The following GSAP variants were observed in gnomAD, a reference collection of about 807,000 sequenced individuals.
GSAP encodes gamma-secretase-activating protein.
A neutral mutation model predicts 131.7 loss-of-function variants in GSAP; 118 were observed. That is an observed-to-expected ratio of 0.90 (90% CI 0.77 to 1.04). GSAP has a LOEUF of 1.04. Among genes scored for constraint, GSAP ranks in the 50% least tolerant of loss-of-function variants. The pLI is 0.00. For synonymous variants in GSAP, 381 were observed against 363.4 expected (o/e 1.05, Z -0.55); for missense variants, 1,019 against 1,013.2 (o/e 1.01, Z -0.08).
intron 18 of GSAP, among the ~76,000 whole-genome samples, chr7:77,350,106 A>T (rs1469638540): frequency 6.6e-6 from 1 of 151,932 alleles, no homozygotes; most frequent in Non-Finnish European, 1.5e-5. Context: ...AAAAATGATG[A>T]GTTCATGTCC....
chr7:77,360,505 C>T (rs1794367865), intron 14 of GSAP, among the ~76,000 whole-genome samples: 2 of 152,182 alleles, frequency 1.3e-5, no homozygotes, highest in Admixed American at 1.3e-4. Flanking sequence ...TTGGGAACAT[C>T]TCATACAAGT....
At chr7:77,344,028 C>T (rs1278378903) in intron 19 of GSAP, among the ~76,000 whole-genome samples, 1 of 152,148 alleles carries the variant, frequency 6.6e-6, no homozygotes, top group Non-Finnish European at 1.5e-5. Flanking sequence ...ACTCACATGC[C>T]CGGAGTCAGG....
chr7:77,390,949 A>T, intron 5 of GSAP, among the ~76,000 whole-genome samples: 1 of 62,282 alleles, frequency 1.6e-5, no homozygotes, highest in South Asian at 8.1e-4. Flanking sequence ...CTCCGTCTAA[A>T]AAAAAAAAAA....
At chr7:77,339,288 G>A (rs1437208236) in intron 19 of GSAP, among the ~76,000 whole-genome samples, 1 of 152,136 alleles carries the variant, frequency 6.6e-6, no homozygotes, top group Non-Finnish European at 1.5e-5. Context: ...GAGCAGAGAT[G>A]AGGAAACAAA....
intron 18 of GSAP, chr7:77,351,701 C>G: frequency 1.0e-6 from 1 of 985,826 alleles, no homozygotes; most frequent in Non-Finnish European, 1.2e-6. Context: ...TTGAGAAGTG[C>G]AAAAGGGAAG....
At chr7:77,373,940 A>G (rs1796479207) in intron 12 of GSAP, 130 bp downstream of exon 12, 7 of 662,272 alleles carry the variant, frequency 1.1e-5, no homozygotes, top group Non-Finnish European at 1.9e-5. Context: ...ATACATGACA[A>G]TCCATATGAT....
At chr7:77,410,758 CA>C (rs1803117874) in intron 1 of GSAP, among the ~76,000 whole-genome samples, 1 of 152,086 alleles carries the variant, frequency 6.6e-6, no homozygotes, top group Non-Finnish European at 1.5e-5. Context: ...TGCTATGAGA[CA>C]AAAATTAAAG....
At chr7:77,411,494 G>A (rs1295784071) in intron 1 of GSAP, among the ~76,000 whole-genome samples, 2 of 152,182 alleles carry the variant, frequency 1.3e-5, no homozygotes, top group Non-Finnish European at 2.9e-5. Flanking sequence ...GTTACAACAT[G>A]TCATGTTTTT....
intron 3 of GSAP, among the ~76,000 whole-genome samples, chr7:77,403,513 C>CCTT (rs1801733742): frequency 1.3e-5 from 2 of 152,122 alleles, no homozygotes; most frequent in Non-Finnish European, 2.9e-5. Context: ...CCCATTTGCT[C>CCTT]CCAGAATTAG....
At chr7:77,380,579 G>A (rs553034535) in intron 8 of GSAP, among the ~76,000 whole-genome samples, 46 of 152,210 alleles carry the variant, frequency 3.0e-4, no homozygotes, top group African/African-American at 9.6e-4. Context: ...TTTACTTGTA[G>A]GTAATGCCAC....
chr7:77,374,080 G>T lies in GSAP; in HGVS notation c.861C>A (p.Thr287=). The T allele has an allele frequency of 1.3e-6, 2 of 1,545,918 alleles. No homozygotes were observed. Among genetic ancestry groups the T allele is most frequent in the Non-Finnish European group, 1.8e-6 (2 of 1,123,844 alleles). ...ACAACCCTAGTTTACCTGTATGGTT[G>T]GTAAAAACACACAGAGTCAGGTGTT... ...FSKHLTLCVF[T]NHTGSLCVCY... Residue 287 remains threonine, a synonymous_variant, in exon 12 of 31, where the codon ACC becomes ACA. Transcript: ENST00000257626.
chr7:77,397,560 C>A (rs1800623816), intron 3 of GSAP, 145 bp from the exon 4 acceptor site: 2 of 552,140 alleles, frequency 3.6e-6, no homozygotes, highest in Non-Finnish European at 6.5e-6. Context: ...GCTATGCTGA[C>A]ACATTCCAGA....
intron 5 of GSAP, among the ~76,000 whole-genome samples, chr7:77,389,649 T>C (rs1799152896): frequency 6.6e-6 from 1 of 152,218 alleles, no homozygotes; most frequent in Admixed American, 6.5e-5. Flanking sequence ...TTCCATGGTG[T>C]ATATGTGCCA....
At chr7:77,362,946 T>G (rs1474327386) in intron 12 of GSAP, among the ~76,000 whole-genome samples, 1 of 152,206 alleles carries the variant, frequency 6.6e-6, no homozygotes, top group Non-Finnish European at 1.5e-5. Context: ...TCTAGACAGT[T>G]TCCAAAGCTT....
intron 19 of GSAP, among the ~76,000 whole-genome samples, chr7:77,348,819 G>C (rs752130557): frequency 4.6e-5 from 7 of 152,222 alleles, no homozygotes; most frequent in Non-Finnish European, 1.0e-4. Flanking sequence ...GGTTGATGAA[G>C]ACCACATAGT....
At chr7:77,413,166 G>A (rs1390526990) in intron 1 of GSAP, among the ~76,000 whole-genome samples, 1 of 152,214 alleles carries the variant, frequency 6.6e-6, no homozygotes, top group South Asian at 2.1e-4. Context: ...TTAAGAGGAA[G>A]GAGAAGGAAG....
chr7:77,399,519 A>G (rs986044143), intron 3 of GSAP, among the ~76,000 whole-genome samples: 1 of 152,348 alleles, frequency 6.6e-6, no homozygotes, highest in East Asian at 1.9e-4. Flanking sequence ...TCACTCTTGT[A>G]TGCACTACCA....
chr7:77,349,267 T>A, intron 19 of GSAP, 84 bp downstream of exon 19: 3 of 1,075,660 alleles, frequency 2.8e-6, no homozygotes, highest in Non-Finnish European at 4.3e-6. Flanking sequence ...CAATTTGCAA[T>A]CCCTTTTGGA....
In GSAP at chr7:77,330,866, A is replaced by G. The variant is rs61397812; in HGVS notation, c.1546-499T>C. On this transcript the variant is annotated intron_variant, in intron 19 of 30. Coordinates refer to ENST00000257626, the MANE Select transcript of GSAP (RefSeq NM_017439.4). ...TTCAAAACCTAGGAATCAAAAAAAG[A>G]TAAAATGAACTAATTTTACATTGTC... 2,336 of 981,296 alleles carry G rather than the reference A, an allele frequency of 2.4e-3. 50 individuals carry two copies. The African/African-American group carries it at 0.038, about 16-fold the overall frequency. The allele number at this position is 981,296 out of a possible 1,614,324, so 60.8% of individuals were successfully genotyped here.
Sources: gnomAD v4.1 joint callset for allele counts (sites outside exome capture counted in the v4.1 genomes callset) on GRCh38, gnomAD v4.1.1 for gene constraint, MANE v1.5 for transcripts, NCBI Gene and HGNC (gene_info 2026-07-23, HGNC 2026-07-21) for gene names.